Variants in ATP13A4 observed in about 807,000 individuals in gnomAD.
The protein encoded by ATP13A4 is probable cation-transporting ATPase 13A4.
In ATP13A4, 114 loss-of-function variants were observed where a neutral mutation model predicts 142.5. That is an observed-to-expected ratio of 0.80 (90% CI 0.69 to 0.93). The LOEUF (loss-of-function observed/expected upper bound fraction) is 0.93, where lower values mean the gene tolerates loss of function less well. Among genes scored for constraint, ATP13A4 ranks in the 40% least tolerant of loss-of-function variants. The pLI, the probability that ATP13A4 is intolerant of heterozygous loss-of-function variation, is 0.00. For synonymous variants in ATP13A4, 488 were observed against 514.8 expected (o/e 0.95, Z 0.70); for missense variants, 1,392 against 1,454.0 (o/e 0.96, Z 0.69).
At chr3:193,504,575 T>TAACAGTCACCTCCCCAC (rs1215727838) in intron 2 of ATP13A4, among the ~76,000 whole-genome samples, 1 of 152,168 alleles carries the variant, frequency 6.6e-6, no homozygotes, top group Non-Finnish European at 1.5e-5. Flanking sequence ...AGCAGGCACT[T>TAACAGTCACCTCCCCAC]AACAGTCACC....
At chr3:193,480,602 G>A (rs187361063) in intron 8 of ATP13A4, among the ~76,000 whole-genome samples, 42 of 152,040 alleles carry the variant, frequency 2.8e-4, no homozygotes, top group Admixed American at 7.9e-4. Flanking sequence ...CTGCAAGAAC[G>A]GCCATAATCA....
At chr3:193,423,988 C>T (rs907480737) in intron 25 of ATP13A4, among the ~76,000 whole-genome samples, 4 of 149,066 alleles carry the variant, frequency 2.7e-5, no homozygotes, top group African/African-American at 4.9e-5. Context: ...TCTTTAGAAC[C>T]CAAAATCAAC....
chr3:193,448,420 G>A, intron 17 of ATP13A4, 90 bp from the exon 18 acceptor site: 1 of 1,514,204 alleles, frequency 6.6e-7, no homozygotes, highest in Non-Finnish European at 9.0e-7. Flanking sequence ...CATCCAGGCT[G>A]GAGGACAGTG....
intron 2 of ATP13A4, among the ~76,000 whole-genome samples, chr3:193,576,083 C>T (rs1046998446): frequency 6.6e-6 from 1 of 151,990 alleles, no homozygotes; most frequent in African/African-American, 2.4e-5. Context: ...AAGAATTTTC[C>T]AGCCTAAAAT....
chr3:193,410,490 C>A (rs1351142693), intron 28 of ATP13A4, among the ~76,000 whole-genome samples: 1 of 152,144 alleles, frequency 6.6e-6, no homozygotes, highest in East Asian at 1.9e-4. Context: ...AGGCAGGAGG[C>A]TAGCTTGAGG....
intron 7 of ATP13A4, among the ~76,000 whole-genome samples, chr3:193,486,522 C>G (rs1298688122): frequency 6.6e-6 from 1 of 152,156 alleles, no homozygotes; most frequent in Non-Finnish European, 1.5e-5. Context: ...AGGTTGGCAA[C>G]CAGATTTCTG....
intron 3 of ATP13A4, among the ~76,000 whole-genome samples, chr3:193,494,238 C>T (rs550446882): frequency 3.9e-5 from 6 of 152,022 alleles, no homozygotes; most frequent in South Asian, 2.1e-4. Context: ...AGAAAATTAA[C>T]GAAGAAATAT....
chr3:193,561,987 C>T (rs1724027081), intron 2 of ATP13A4, among the ~76,000 whole-genome samples: 1 of 152,208 alleles, frequency 6.6e-6, no homozygotes, highest in African/African-American at 2.4e-5. Flanking sequence ...TCCTTTCATC[C>T]AGCCTTTCTC....
chr3:193,489,410 C>A (rs1560226265), intron 7 of ATP13A4, among the ~76,000 whole-genome samples: 1 of 152,190 alleles, frequency 6.6e-6, no homozygotes, highest in Non-Finnish European at 1.5e-5. Flanking sequence ...CTGCCACCAT[C>A]CTCAAGTCCC....
chr3:193,453,668 G>A (rs1037956027), intron 17 of ATP13A4, among the ~76,000 whole-genome samples: 2 of 151,976 alleles, frequency 1.3e-5, no homozygotes, highest in East Asian at 1.9e-4. Context: ...GTTTCATTAA[G>A]CTGTGTATTT....
chr3:193,461,740 C>T (rs900782746), intron 13 of ATP13A4, among the ~76,000 whole-genome samples: 14 of 152,164 alleles, frequency 9.2e-5, no homozygotes, highest in African/African-American at 3.1e-4. Context: ...CTTTCATTTT[C>T]AAACAAAACA....
chr3:193,421,497 T>A (rs1289308147), intron 25 of ATP13A4, among the ~76,000 whole-genome samples: 1 of 149,904 alleles, frequency 6.7e-6, no homozygotes, highest in Non-Finnish European at 1.5e-5. Flanking sequence ...AGTAAATATA[T>A]GGTGAAATCC....
At chr3:193,438,299 T>C (rs985143622) in intron 23 of ATP13A4, among the ~76,000 whole-genome samples, 176 bp downstream of exon 23, 1 of 152,144 alleles carries the variant, frequency 6.6e-6, no homozygotes, top group Non-Finnish European at 1.5e-5. Flanking sequence ...TCTCCCAATG[T>C]TATTGTTAAC....
rs550873343 is a variant in ATP13A4 at position 193,417,983 on chromosome 3, G to A, written c.2843-3233C>T. On this transcript the variant is annotated intron_variant, in intron 25 of 29. Transcript: ENST00000342695. ...TAAAAATACAAAAAATTAGCCGGGC[G>A]TAGTGGCGGGCGCCTGTAGTCCCAG... is the stretch of plus-strand genomic sequence containing the variant. Among the ~76,000 whole-genome samples, 67 of 145,050 alleles carry A rather than the reference G, an allele frequency of 4.6e-4. 2 individuals carry two copies. The highest frequency in any genetic ancestry group is 3.5e-3 in the Middle Eastern group (1 of 288).
At chr3:193,465,281 G>C (rs373333177) in intron 11 of ATP13A4, among the ~76,000 whole-genome samples, 153 bp from the exon 12 acceptor site, 20 of 152,128 alleles carry the variant, frequency 1.3e-4, no homozygotes, top group South Asian at 1.2e-3. Context: ...TCCACCTCCC[G>C]GGTTCAAGCG....
At chr3:193,572,074 C>T (rs1454570058) in intron 2 of ATP13A4, among the ~76,000 whole-genome samples, 2 of 152,070 alleles carry the variant, frequency 1.3e-5, no homozygotes, top group African/African-American at 2.4e-5. Flanking sequence ...GGCAAAACCC[C>T]GCCTCTACAA....
rs74735537 is a variant in ATP13A4 at position 193,528,661 on chromosome 3, A to G, written c.61-13790T>C. Among the ~76,000 whole-genome samples, 827 of 152,300 alleles carry G rather than the reference A, an allele frequency of 5.4e-3. 14 individuals carry two copies. In the East Asian group the frequency reaches 0.07, roughly 13 times the overall value. Reference sequence around the variant, plus strand: ...TTAAATGCTGGGCAAGACAATTACAATGTTATCTCAGGGGGATTTTTTAAT... The same window carrying G: ...TTAAATGCTGGGCAAGACAATTACAGTGTTATCTCAGGGGGATTTTTTAAT... On this transcript the variant is annotated intron_variant, in intron 1 of 29. Coordinates refer to ENST00000342695, the MANE Select transcript of ATP13A4 (RefSeq NM_032279.4).
intron 2 of ATP13A4, among the ~76,000 whole-genome samples, chr3:193,504,310 C>G (rs934144589): frequency 6.6e-6 from 1 of 152,132 alleles, no homozygotes; most frequent in African/African-American, 2.4e-5. Context: ...GAGTAGGCAA[C>G]CAACTCTCTT....
chr3:193,415,491 C>G (rs1266846283), intron 25 of ATP13A4, among the ~76,000 whole-genome samples: 1 of 152,174 alleles, frequency 6.6e-6, no homozygotes, highest in Non-Finnish European at 1.5e-5. Flanking sequence ...TGCACTTGAT[C>G]CACCCCCTAC....
Sources: gnomAD v4.1 joint callset for allele counts (sites outside exome capture counted in the v4.1 genomes callset) on GRCh38, gnomAD v4.1.1 for gene constraint, MANE v1.5 for transcripts, NCBI Gene and HGNC (gene_info 2026-07-23, HGNC 2026-07-21) for gene names.